LYRM4: variants seen among roughly 807,000 people sequenced by gnomAD.
LYRM4 encodes LYR motif-containing protein 4.
Under a neutral mutation model 11.7 loss-of-function variants are expected in LYRM4, and 9 were observed. That is an observed-to-expected ratio of 0.77 (90% CI 0.46 to 1.34). The LOEUF (loss-of-function observed/expected upper bound fraction) is 1.34, where lower values mean the gene tolerates loss of function less well. LYRM4 is among the 40% of genes most tolerant of loss of function. The pLI is 0.00. For missense variants in LYRM4, 133 were observed against 112.5 expected (o/e 1.18, Z -0.82); for synonymous variants, 42 against 40.4 (o/e 1.04, Z -0.15).
chr6:5,133,618 CACATA>C (rs1764056120), intron 2 of LYRM4, among the ~76,000 whole-genome samples: 1 of 152,172 alleles, frequency 6.6e-6, no homozygotes, highest in African/African-American at 2.4e-5. Context: ...TGGTAAAGTT[CACATA>C]ACATAAAATC....
chr6:5,221,556 G>A (rs146905880), intron 1 of LYRM4, among the ~76,000 whole-genome samples: 2 of 152,288 alleles, frequency 1.3e-5, no homozygotes, highest in East Asian at 1.9e-4. Flanking sequence ...AGCTGGGTGC[G>A]GTGGCACATG....
At chr6:5,118,099 TG>T (rs1218038217) in intron 2 of LYRM4, among the ~76,000 whole-genome samples, 6 of 89,096 alleles carry the variant, frequency 6.7e-5, no homozygotes, top group Non-Finnish European at 9.7e-5. Context: ...TATATATTTT[TG>T]TTTTGTTTTG....
chr6:5,040,348 GATAGATACATACATACATAC>G, the LYRM4 span, among the ~76,000 whole-genome samples: 4 of 138,076 alleles, frequency 2.9e-5, no homozygotes, highest in African/African-American at 1.1e-4. Flanking sequence ...TAGATAGATA[GATAGATACATACATACATAC>G]ATACATACAT....
intron 2 of LYRM4, among the ~76,000 whole-genome samples, chr6:5,200,415 T>C (rs2127703923): frequency 6.6e-6 from 1 of 152,300 alleles, no homozygotes; most frequent in East Asian, 1.9e-4. Flanking sequence ...AAGAGCCTCC[T>C]CAGGAGCATG....
chr6:5,219,157 T>C (rs1227442869), intron 1 of LYRM4, among the ~76,000 whole-genome samples: 1 of 152,168 alleles, frequency 6.6e-6, no homozygotes, highest in African/African-American at 2.4e-5. Context: ...GTAACTAGCT[T>C]AGAATAGCTA....
intron 1 of LYRM4, among the ~76,000 whole-genome samples, chr6:5,227,095 C>T (rs1762937381): frequency 1.3e-5 from 2 of 152,154 alleles, no homozygotes; most frequent in South Asian, 2.1e-4. Flanking sequence ...ATTTTTAGAC[C>T]GTTTATTTTG....
At chr6:5,260,284 A>G (rs553509684) in intron 1 of LYRM4, among the ~76,000 whole-genome samples, 1 of 152,360 alleles carries the variant, frequency 6.6e-6, no homozygotes, top group South Asian at 2.1e-4. Flanking sequence ...GCTCAAGGGA[A>G]GTTTTACATA....
intron 1 of LYRM4, among the ~76,000 whole-genome samples, chr6:5,249,728 G>A (rs1764348537): frequency 6.6e-6 from 1 of 152,164 alleles, no homozygotes. Flanking sequence ...CTTGGTTCAT[G>A]TAACTTACCT....
chr6:5,208,145 C>A (rs982874703), intron 2 of LYRM4, among the ~76,000 whole-genome samples: 1 of 152,174 alleles, frequency 6.6e-6, no homozygotes, highest in Non-Finnish European at 1.5e-5. Flanking sequence ...GTGTGGAGTA[C>A]AGTGTGTGGT....
the LYRM4 span, among the ~76,000 whole-genome samples, chr6:5,077,423 G>C: frequency 6.6e-6 from 1 of 152,198 alleles, no homozygotes; most frequent in Non-Finnish European, 1.5e-5. Context: ...GACAGGACCT[G>C]CTCCGGGTGA....
intron 2 of LYRM4, among the ~76,000 whole-genome samples, chr6:5,141,790 G>A (rs542727185): frequency 1.1e-4 from 16 of 152,208 alleles, no homozygotes; most frequent in Non-Finnish European, 1.2e-4. Context: ...TGAGGAATAG[G>A]CATGAGGGTA....
chr6:5,146,869 A>G (rs1037451852), intron 2 of LYRM4, among the ~76,000 whole-genome samples: 3 of 152,224 alleles, frequency 2.0e-5, no homozygotes, highest in African/African-American at 7.2e-5. Context: ...GTTACATGAA[A>G]TAATTCCAAT....
At chr6:5,218,261 TA>T (rs1762391674) in intron 1 of LYRM4, 15 of 985,312 alleles carry the variant, frequency 1.5e-5, no homozygotes, top group Non-Finnish European at 1.8e-5. Flanking sequence ...GAGCACCGGT[TA>T]AAGAATCCAT....
rs1000044889 is a variant in LYRM4, at chr6:5,164,589, C to CA, written c.207+52028dup. ...GATTGGTGGTGGAGTATAGTGACTG[C>CA]AAAAAAATTCTAGGTGTTTCTGGAG... is the stretch of plus-strand genomic sequence containing the variant. On this transcript the variant is annotated intron_variant, in intron 2 of 2. Transcript: ENST00000330636. Among the ~76,000 whole-genome samples the CA allele has an allele frequency of 3.7e-4, 56 of 151,986 alleles. 2 individuals carry two copies. Among genetic ancestry groups the CA allele is most frequent in the Non-Finnish European group, 5.9e-5 (4 of 67,984 alleles).
intron 1 of LYRM4, among the ~76,000 whole-genome samples, chr6:5,245,161 T>TAAAA (rs1561899267): frequency 6.9e-5 from 5 of 72,518 alleles, no homozygotes; most frequent in African/African-American, 2.1e-4. Context: ...TATATATATA[T>TAAAA]ATAAAATAGG....
At chr6:5,187,162 G>A (rs1049452488) in intron 2 of LYRM4, among the ~76,000 whole-genome samples, 23 of 152,156 alleles carry the variant, frequency 1.5e-4, no homozygotes, top group African/African-American at 5.1e-4. Flanking sequence ...TAACAGAGGC[G>A]ATACTACCTT....
chr6:5,242,797 C>T (rs1245330580), intron 1 of LYRM4, among the ~76,000 whole-genome samples: 1 of 143,550 alleles, frequency 7.0e-6, no homozygotes, highest in Non-Finnish European at 1.5e-5. Context: ...GACGGAGTCT[C>T]GCTCTGTCGC....
At chr6:5,056,865 A>G in the LYRM4 span, among the ~76,000 whole-genome samples, 1 of 152,224 alleles carries the variant, frequency 6.6e-6, no homozygotes, top group African/African-American at 2.4e-5. Context: ...AGTAAAAAAT[A>G]ATGTTTCACT....
chr6:5,088,953 T>C, the LYRM4 span: 1 of 152,274 alleles, frequency 6.6e-6, no homozygotes, highest in Non-Finnish European at 1.5e-5. Context: ...GATATTTCTC[T>C]GTGCTTCAAA....
Sources: gnomAD v4.1 joint callset for allele counts (sites outside exome capture counted in the v4.1 genomes callset) on GRCh38, gnomAD v4.1.1 for gene constraint, MANE v1.5 for transcripts, NCBI Gene and HGNC (gene_info 2026-07-23, HGNC 2026-07-21) for gene names.